The following CSMD1 variants were observed in gnomAD, a reference collection of about 807,000 sequenced individuals.
CSMD1 encodes CUB and sushi domain-containing protein 1.
A neutral mutation model predicts 417.5 loss-of-function variants in CSMD1; 213 were observed. The ratio of observed to expected loss-of-function variants is 0.51; its 90% CI spans 0.46 to 0.57. CSMD1 has a LOEUF of 0.57. Ranked by LOEUF, CSMD1 falls within the 20% of genes least tolerant of loss-of-function variation. The pLI, the probability that CSMD1 is intolerant of heterozygous loss-of-function variation, is 0.00. For synonymous variants in CSMD1, 2,862 were observed against 1,736.8 expected (o/e 1.65, Z -16.11); for missense variants, 6,923 against 4,529.7 (o/e 1.53, Z -15.17).
chr8:4,792,785 G>C (rs1372730924), intron 1 of CSMD1, among the ~76,000 whole-genome samples: 1 of 152,048 alleles, frequency 6.6e-6, no homozygotes, highest in Non-Finnish European at 1.5e-5. Flanking sequence ...AGTACCATGC[G>C]TTCCAGGCGT....
intron 1 of CSMD1, among the ~76,000 whole-genome samples, chr8:4,673,504 G>T (rs189211761): frequency 1.3e-5 from 2 of 152,030 alleles, no homozygotes; most frequent in African/African-American, 2.4e-5. Flanking sequence ...TATGTGTTTT[G>T]TTGGAAGAGT....
intron 3 of CSMD1, among the ~76,000 whole-genome samples, chr8:4,195,583 T>G (rs1234706176): frequency 2.0e-5 from 3 of 152,098 alleles, no homozygotes; most frequent in Non-Finnish European, 4.4e-5. Context: ...GAGGTGAGCG[T>G]TGTCACTGTC....
At position 4,637,467 on chromosome 8, in the gene CSMD1, G is replaced by C. The variant is rs767567522; in HGVS notation, c.177C>G (p.Thr59=). Residue 59 remains threonine (T), a synonymous_variant, in exon 2 of 70, where the codon ACC becomes ACG. Transcript: ENST00000635120. ...TGCGCTCGCCCGTGATGATGATCCAGGTGCAGTTGGCATAGTTCGGATACC... is the reference window on the plus strand; with the variant it reads ...TGCGCTCGCCCGTGATGATGATCCACGTGCAGTTGGCATAGTTCGGATACC... ...PHGYPNYANC[T]WIIITGERNR... is the part of the protein sequence containing the mutation. The C allele has an allele frequency of 5.0e-6, 8 of 1,613,812 alleles. No homozygotes were observed. Among genetic ancestry groups the C allele is most frequent in the East Asian group, 2.2e-5 (1 of 44,842 alleles).
chr8:3,734,565 G>T (rs1217874625), intron 6 of CSMD1, among the ~76,000 whole-genome samples: 1 of 152,134 alleles, frequency 6.6e-6, no homozygotes, highest in African/African-American at 2.4e-5. Flanking sequence ...ACCCAAAATA[G>T]CTAGGCCTGG....
In CSMD1 at chr8:4,431,138, G is replaced by T. The variant is rs186604993; in HGVS notation, c.303-11073C>A. Among the ~76,000 whole-genome samples, 1,179 of 152,086 alleles carry T rather than the reference G, an allele frequency of 7.8e-3. 12 individuals are homozygous for T. Among genetic ancestry groups the T allele is most frequent in the African/African-American group, 0.026 (1,096 of 41,482 alleles). ...ACATGACTGTAGAAAAAGAGGTGAG[G>T]CTCTAAATGATTTGCTCAAAGGCAA... On this transcript the variant is annotated intron_variant, in intron 2 of 69. Coordinates refer to ENST00000635120, the MANE Select transcript of CSMD1 (RefSeq NM_033225.6).
In CSMD1 at chr8:3,110,218, C is replaced by G. The variant is rs759921986; in HGVS notation, c.6548G>C (p.Gly2183Ala). The change falls in exon 43 of 70, where the codon GGA (glycine) becomes GCA (alanine). Residue 2183 changes from glycine to alanine, a missense_variant. Coordinates refer to ENST00000635120, the MANE Select transcript of CSMD1 (RefSeq NM_033225.6). Reference sequence around the variant, plus strand: ...TAACAGGGTGAAGTTGATGTAAACTCCGTGCCCTGGAGGCACCGTGATGAG... The same window carrying G: ...TAACAGGGTGAAGTTGATGTAAACTGCGTGCCCTGGAGGCACCGTGATGAG... ...IWLITVPPGH[G>A]VYINFTLLQT... The G allele has an allele frequency of 2.5e-6, 4 of 1,613,062 alleles. No individual in the cohort carries two copies. Among genetic ancestry groups the G allele is most frequent in the Non-Finnish European group, 3.4e-6 (4 of 1,179,524 alleles).
At chr8:4,974,306 G>T (rs114072898) in intron 1 of CSMD1, among the ~76,000 whole-genome samples, 1 of 151,930 alleles carries the variant, frequency 6.6e-6, no homozygotes, top group Non-Finnish European at 1.5e-5. Flanking sequence ...GATTACAGGC[G>T]CAAGATTTTA....
chr8:3,088,056 A>C (rs1444160003), intron 48 of CSMD1, among the ~76,000 whole-genome samples: 2 of 152,240 alleles, frequency 1.3e-5, no homozygotes, highest in Non-Finnish European at 2.9e-5. Context: ...ATTTGAATGA[A>C]ATCTTTGAAG....
At chr8:4,250,278 A>G (rs536356074) in intron 3 of CSMD1, among the ~76,000 whole-genome samples, 4 of 152,324 alleles carry the variant, frequency 2.6e-5, no homozygotes, top group Non-Finnish European at 5.9e-5. Context: ...CTAGTGATAT[A>G]AATAGCCCAG....
At chr8:3,689,186 A>T (rs1484142245) in intron 7 of CSMD1, among the ~76,000 whole-genome samples, 1 of 152,172 alleles carries the variant, frequency 6.6e-6, no homozygotes, top group African/African-American at 2.4e-5. Context: ...CATGACTTTC[A>T]GGGAGCTGCA....
intron 11 of CSMD1, 41 bp downstream of exon 11, chr8:3,493,582 C>A: frequency 6.5e-7 from 1 of 1,529,372 alleles, no homozygotes; most frequent in Non-Finnish European, 8.9e-7. Context: ...GTGCCCCGCA[C>A]TGCATGCATA....
chr8:3,710,462 C>T (rs747424685), intron 6 of CSMD1, among the ~76,000 whole-genome samples: 65 of 152,238 alleles, frequency 4.3e-4, no homozygotes, highest in Non-Finnish European at 5.9e-4. Context: ...ACTCAGTAAC[C>T]GACTGTGTGT....
intron 8 of CSMD1, among the ~76,000 whole-genome samples, chr8:3,600,859 G>C (rs1338277386): frequency 1.3e-5 from 2 of 152,132 alleles, no homozygotes; most frequent in South Asian, 2.1e-4. Context: ...TGCAAACACA[G>C]TATTTTATTA....
chr8:4,071,893 G>A (rs76358736), intron 3 of CSMD1, among the ~76,000 whole-genome samples: 3 of 152,092 alleles, frequency 2.0e-5, no homozygotes, highest in African/African-American at 7.2e-5. Context: ...TTTGGAATCT[G>A]CTCCACTTAG....
Position 3,574,846 on chromosome 8 carries a change from T to C in CSMD1, c.1344+99A>G, listed in dbSNP as rs1281728102. 5 of 1,359,432 alleles carry C rather than the reference T, an allele frequency of 3.7e-6. No homozygotes were observed. The South Asian group carries it at 5.8e-5, about 16-fold the overall frequency. 84.2% of individuals were successfully genotyped at this position (1,359,432 alleles called of 1,614,324 possible). ...GAACTTTTAAATTCAAACAGTAAAGTGTAAGCACGGATAGCATTTGCTGGG... is the reference window on the plus strand; with the variant it reads ...GAACTTTTAAATTCAAACAGTAAAGCGTAAGCACGGATAGCATTTGCTGGG... On this transcript the variant is annotated intron_variant, in intron 10 of 69. Coordinates refer to ENST00000635120, the MANE Select transcript of CSMD1 (RefSeq NM_033225.6).
rs1563163945 is a variant in CSMD1, at chr8:2,938,115, T to C, written c.*470A>G. The C allele has an allele frequency of 6.5e-6, 1 of 152,982 alleles. No individual in the cohort carries two copies. The highest frequency in any genetic ancestry group is 2.4e-5 in the African/African-American group (1 of 41,468). 9.5% of individuals were successfully genotyped at this position (152,982 alleles called of 1,614,324 possible). The stretch of plus-strand genomic sequence containing the variant: ...AAGGTGTCTTCTTCCAGAAAGCTTT[T>C]TATTTTTTTCAGAGTATTCGTGTTC... On this transcript the variant is annotated 3_prime_UTR_variant, in exon 70 of 70. Coordinates refer to ENST00000635120, the MANE Select transcript of CSMD1 (RefSeq NM_033225.6).
intron 7 of CSMD1, among the ~76,000 whole-genome samples, chr8:3,641,310 C>G (rs769934626): frequency 6.6e-6 from 1 of 151,956 alleles, no homozygotes; most frequent in Non-Finnish European, 1.5e-5. Context: ...AGGTGGAGAA[C>G]GGGTGAGTCA....
At chr8:4,301,187 T>C (rs1390270999) in intron 3 of CSMD1, among the ~76,000 whole-genome samples, 1 of 152,262 alleles carries the variant, frequency 6.6e-6, no homozygotes, top group South Asian at 2.1e-4. Flanking sequence ...GCAGCTCTCC[T>C]GGGTAGTGGT....
chr8:3,668,816 G>C (rs376841045), intron 7 of CSMD1, among the ~76,000 whole-genome samples: 9 of 152,088 alleles, frequency 5.9e-5, no homozygotes, highest in East Asian at 5.8e-4. Flanking sequence ...ACAATTTGCT[G>C]TTAAGTAAAG....
Sources: gnomAD v4.1 joint callset for allele counts (sites outside exome capture counted in the v4.1 genomes callset) on GRCh38, gnomAD v4.1.1 for gene constraint, MANE v1.5 for transcripts, NCBI Gene and HGNC (gene_info 2026-07-23, HGNC 2026-07-21) for gene names.